DIP2B: variants seen among roughly 807,000 people sequenced by gnomAD.
DIP2B encodes the protein disco-interacting protein 2 homolog B.
A neutral mutation model predicts 198.0 loss-of-function variants in DIP2B; 76 were observed. The observed-to-expected ratio is 0.38, with a 90% CI of 0.32 to 0.46. The LOEUF (loss-of-function observed/expected upper bound fraction) is 0.46. Among genes scored for constraint, DIP2B ranks in the 20% least tolerant of loss-of-function variants. DIP2B has a pLI of 0.99. For missense variants in DIP2B, 1,559 were observed against 1,978.4 expected, an observed-to-expected ratio of 0.79 and a Z score of 4.02; for synonymous variants, 701 against 739.1, an observed-to-expected ratio of 0.95 and a Z score of 0.84.
intron 2 of DIP2B, among the ~76,000 whole-genome samples, chr12:50,638,092 G>C (rs1318769322): frequency 6.6e-6 from 1 of 152,148 alleles, no homozygotes; most frequent in Non-Finnish European, 1.5e-5. Flanking sequence ...TGGATATTCT[G>C]CATAACAGAC....
intron 5 of DIP2B, among the ~76,000 whole-genome samples, chr12:50,673,255 C>T (rs902678487): frequency 6.6e-6 from 1 of 152,098 alleles, no homozygotes; most frequent in Non-Finnish European, 1.5e-5. Flanking sequence ...AGACCTTACC[C>T]CCAAATCTAT....
chr12:50,508,063 T>G (rs1008543270), intron 1 of DIP2B, among the ~76,000 whole-genome samples: 5 of 152,152 alleles, frequency 3.3e-5, no homozygotes, highest in African/African-American at 9.7e-5. Context: ...GAAATGCAGG[T>G]TTGTGCCTGC....
At chr12:50,714,876 A>G (rs1939686075) in intron 23 of DIP2B, among the ~76,000 whole-genome samples, 1 of 152,204 alleles carries the variant, frequency 6.6e-6, no homozygotes, top group Non-Finnish European at 1.5e-5. Flanking sequence ...GGGAGGTTGC[A>G]GTAAACCGAG....
At chr12:50,541,101 A>T (rs773848652) in intron 1 of DIP2B, among the ~76,000 whole-genome samples, 6 of 152,206 alleles carry the variant, frequency 3.9e-5, no homozygotes, top group African/African-American at 1.4e-4. Context: ...GCTAAGGGTC[A>T]CATGAGAGAT....
chr12:50,746,713 G>A lies in DIP2B; in HGVS notation c.*1874G>A, dbSNP rs371278017. ...ATTGGGGCACACAGGAAATCCCAGT[G>A]TCTAGCAATGGTTTGGTTTGCAGAG... On this transcript the variant is annotated 3_prime_UTR_variant, in exon 38 of 38. Coordinates refer to ENST00000301180, the MANE Select transcript of DIP2B (RefSeq NM_173602.3). 9.2e-5 allele frequency: 14 copies of A among 152,312 alleles called. No homozygotes were observed. The East Asian group carries it at 1.3e-3, about 15-fold the overall frequency. The allele number at this position is 152,312 out of a possible 1,614,324, so 9.4% of individuals were successfully genotyped here.
chr12:50,712,802 G>A (rs972905084), intron 22 of DIP2B, among the ~76,000 whole-genome samples: 27 of 152,224 alleles, frequency 1.8e-4, no homozygotes, highest in Middle Eastern at 6.8e-3. Flanking sequence ...CAGCTACTCC[G>A]GAGACTGAGG....
At chr12:50,576,731 T>A (rs1363569123) in intron 1 of DIP2B, among the ~76,000 whole-genome samples, 2 of 142,838 alleles carry the variant, frequency 1.4e-5, no homozygotes, top group Non-Finnish European at 3.1e-5. Context: ...TCTGCCCGCC[T>A]CGGCCTCTCA....
At chr12:50,683,982 G>A (rs1332636391) in intron 10 of DIP2B, among the ~76,000 whole-genome samples, 1 of 152,018 alleles carries the variant, frequency 6.6e-6, no homozygotes, top group Non-Finnish European at 1.5e-5. Context: ...GCGTGGTGGT[G>A]TGCACCTGTA....
rs147483851 is a variant in DIP2B at position 50,635,506 on chromosome 12, C to A, written c.173-5218C>A. On this transcript the variant is annotated intron_variant, in intron 2 of 37. Coordinates refer to ENST00000301180, the MANE Select transcript of DIP2B (RefSeq NM_173602.3). ...GGCTTCCTTTTGTGATTGCTGCTTG[C>A]TGTGCTGAGTGGCAGTCCCCGGTGT... is the stretch of plus-strand genomic sequence containing the variant. Among the ~76,000 whole-genome samples, 159 of 152,312 alleles carry A rather than the reference C, an allele frequency of 1.0e-3. 1 individual carries two copies. Among genetic ancestry groups the A allele is most frequent in the Non-Finnish European group, 2.1e-3 (142 of 68,032 alleles).
At chr12:50,727,099 T>C (rs1479353773) in intron 28 of DIP2B, among the ~76,000 whole-genome samples, 2 of 152,148 alleles carry the variant, frequency 1.3e-5, no homozygotes, top group East Asian at 3.9e-4. Flanking sequence ...ACCTTGGCAA[T>C]AGAGCAAGAC....
chr12:50,612,107 CAA>C (rs1460795558), intron 1 of DIP2B, among the ~76,000 whole-genome samples: 1 of 151,880 alleles, frequency 6.6e-6, no homozygotes, highest in Non-Finnish European at 1.5e-5. Flanking sequence ...CCCATCTCTA[CAA>C]AAAATTAGCA....
intron 2 of DIP2B, chr12:50,633,173 T>A (rs1938093871): frequency 6.6e-6 from 1 of 152,178 alleles, no homozygotes; most frequent in Admixed American, 6.5e-5. Context: ...AAATGTTACA[T>A]AAATCTTTAA....
chr12:50,530,195 G>C (rs1958203582), intron 1 of DIP2B, among the ~76,000 whole-genome samples: 1 of 152,054 alleles, frequency 6.6e-6, no homozygotes, highest in African/African-American at 2.4e-5. Context: ...TCCCGCTTCA[G>C]CCTCCCGAGG....
chr12:50,649,344 A>T (rs1938413356), intron 3 of DIP2B, among the ~76,000 whole-genome samples: 1 of 152,222 alleles, frequency 6.6e-6, no homozygotes, highest in South Asian at 2.1e-4. Flanking sequence ...AGATATTAAA[A>T]CATCCTATAG....
At position 50,747,256 on chromosome 12, in the gene DIP2B, C is replaced by G. The variant is rs1482370717; in HGVS notation, c.*2417C>G. ...TAGACAGTGCAGATCTATACTCATT[C>G]CTTCAAATACATTACTCTGTTAATC... On this transcript the variant is annotated 3_prime_UTR_variant, in exon 38 of 38. Transcript: ENST00000301180. 1.3e-5 allele frequency: 2 copies of G among 152,172 alleles called. No individual in the cohort carries two copies. Among genetic ancestry groups the G allele is most frequent in the Admixed American group, 1.3e-4 (2 of 15,272 alleles). The allele number at this position is 152,172 out of a possible 1,614,324, so 9.4% of individuals were successfully genotyped here.
At chr12:50,646,689 T>C (rs1374923003) in intron 3 of DIP2B, among the ~76,000 whole-genome samples, 1 of 152,192 alleles carries the variant, frequency 6.6e-6, no homozygotes, top group Non-Finnish European at 1.5e-5. Flanking sequence ...CTCAATGTGC[T>C]GGGATTACAG....
chr12:50,545,995 C>T (rs1233809675), intron 1 of DIP2B, among the ~76,000 whole-genome samples: 2 of 152,182 alleles, frequency 1.3e-5, no homozygotes, highest in African/African-American at 2.4e-5. Context: ...AGAATTCCTT[C>T]TCTTCATTTT....
chr12:50,546,192 A>T (rs1321444109), intron 1 of DIP2B, among the ~76,000 whole-genome samples: 1 of 152,254 alleles, frequency 6.6e-6, no homozygotes, highest in Non-Finnish European at 1.5e-5. Flanking sequence ...GCATAAGTAT[A>T]GCAAAAGTTG....
At position 50,727,881 on chromosome 12, in the gene DIP2B, A is replaced by C. The variant is rs1462143645; in HGVS notation, c.3510+69A>C. The C allele has an allele frequency of 1.4e-5, 19 of 1,361,932 alleles. No homozygotes were observed. In the East Asian group the frequency reaches 4.4e-4, roughly 31 times the overall value. 84.4% of individuals were successfully genotyped at this position (1,361,932 alleles called of 1,614,324 possible). ...AGATGACCACTGCCCCAGAAACTAT[A>C]GATGCAGAGGCCAAGTGGTTGTACC... On this transcript the variant is annotated intron_variant, in intron 29 of 37. Transcript: ENST00000301180.
Sources: gnomAD v4.1 joint callset for allele counts (sites outside exome capture counted in the v4.1 genomes callset) on GRCh38, gnomAD v4.1.1 for gene constraint, MANE v1.5 for transcripts, NCBI Gene and HGNC (gene_info 2026-07-23, HGNC 2026-07-21) for gene names.